Variants in ARID4A observed in about 807,000 individuals in gnomAD.
ARID4A encodes the protein AT-rich interactive domain-containing protein 4A.
ARID4A carries 39 observed loss-of-function variants against 148.6 expected under a neutral mutation model. That is an observed-to-expected ratio of 0.26 (90% CI 0.20 to 0.34). The LOEUF (loss-of-function observed/expected upper bound fraction) is 0.34, where lower values mean the gene tolerates loss of function less well. ARID4A is among the 10% of genes least tolerant of loss of function. The pLI, the probability that ARID4A is intolerant of heterozygous loss-of-function variation, is 1.00. For synonymous variants in ARID4A, 475 were observed against 481.2 expected, an observed-to-expected ratio of 0.99 and a Z score of 0.17; for missense variants, 1,265 against 1,449.1, an observed-to-expected ratio of 0.87 and a Z score of 2.06.
At chr14:58,358,568 G>C (rs2034994054) in intron 17 of ARID4A, among the ~76,000 whole-genome samples, 1 of 152,092 alleles carries the variant, frequency 6.6e-6, no homozygotes, top group Non-Finnish European at 1.5e-5. Flanking sequence ...AATAAACTTA[G>C]ATAAAGTAGG....
At chr14:58,351,996 C>G (rs969640467) in intron 16 of ARID4A, among the ~76,000 whole-genome samples, 2 of 152,160 alleles carry the variant, frequency 1.3e-5, no homozygotes, top group African/African-American at 4.8e-5. Flanking sequence ...AAGTTATTAG[C>G]TGCTTCTGTA....
chr14:58,301,507 C>G, intron 2 of ARID4A, 73 bp from the exon 3 acceptor site: 1 of 1,043,290 alleles, frequency 9.6e-7, no homozygotes, highest in Non-Finnish European at 1.4e-6. Flanking sequence ...CAAACACAAC[C>G]TTTTAATGAG....
intron 11 of ARID4A, chr14:58,331,235 G>A (rs10137475): frequency 0.53 from 79,963 of 152,040 alleles, 21,695 homozygotes; most frequent in Middle Eastern, 0.67. Context: ...TTGGTTTTAA[G>A]TGAGCATGCT....
At chr14:58,300,803 C>T (rs1294097174) in intron 2 of ARID4A, among the ~76,000 whole-genome samples, 1 of 148,002 alleles carries the variant, frequency 6.8e-6, no homozygotes, top group Non-Finnish European at 1.5e-5. Context: ...ACTTTAACTT[C>T]CGGAAAAAAA....
intron 5 of ARID4A, among the ~76,000 whole-genome samples, chr14:58,316,470 C>G (rs1157952613): frequency 6.6e-6 from 1 of 152,236 alleles, no homozygotes; most frequent in Middle Eastern, 3.4e-3. Flanking sequence ...TAAACCTATA[C>G]AATTATCAAA....
intron 5 of ARID4A, among the ~76,000 whole-genome samples, chr14:58,316,675 G>A (rs1215724442): frequency 5.9e-5 from 9 of 152,058 alleles, no homozygotes; most frequent in African/African-American, 1.7e-4. Flanking sequence ...CTGCCTGCCG[G>A]GTTCAAGAGA....
At chr14:58,322,709 C>T (rs1594894787) in intron 7 of ARID4A, among the ~76,000 whole-genome samples, 1 of 152,070 alleles carries the variant, frequency 6.6e-6, no homozygotes, top group South Asian at 2.1e-4. Flanking sequence ...CACCTGTAAT[C>T]CCAGCACTTT....
intron 23 of ARID4A, among the ~76,000 whole-genome samples, chr14:58,369,646 A>C (rs1168468977): frequency 6.6e-6 from 1 of 151,896 alleles, no homozygotes; most frequent in Non-Finnish European, 1.5e-5. Context: ...GATTCTAAAA[A>C]TTTACCATAT....
Position 58,347,680 on chromosome 14 carries a change from G to A in ARID4A, c.1206G>A (p.Ser402=), listed in dbSNP as rs376560002. The A allele has an allele frequency of 3.7e-5, 59 of 1,611,486 alleles. No individual in the cohort carries two copies. The highest frequency in any genetic ancestry group is 2.5e-4 in the Admixed American group (15 of 59,746). Residue 402 remains serine, a synonymous_variant, in exon 15 of 24, where the codon TCG becomes TCA. Transcript: ENST00000355431. The part of the protein sequence containing the change: ...YLYGFEEYCR[S]ANIQFRTVHH... Reference sequence around the variant, plus strand: ...ATGGTTTTGAGGAGTACTGCCGTTCGGCAAATATTCAGTTCAGAACTGTTC... The same window carrying A: ...ATGGTTTTGAGGAGTACTGCCGTTCAGCAAATATTCAGTTCAGAACTGTTC...
intron 3 of ARID4A, chr14:58,303,511 C>T (rs1566663639): frequency 2.1e-6 from 1 of 470,740 alleles, no homozygotes; most frequent in East Asian, 6.9e-5. Context: ...GCTTTATTCA[C>T]TTATATATCT....
At position 58,366,981 on chromosome 14, in the gene ARID4A, G is replaced by T. The variant is rs2035384554; in HGVS notation, c.3622G>T (p.Ala1208Ser). Residue 1208 changes from alanine (A) to serine (S), a missense_variant, in exon 23 of 24, where the codon GCA (alanine) becomes TCA (serine). Physicochemically the swap from Ala to Ser is moderately conservative, Grantham distance 99 (BLOSUM62 1). Around this residue, in one of 9 missense-constraint regions of ARID4A, gnomAD observed 666 missense variants for 730.9 expected, o/e 0.91. Transcript: ENST00000355431. ...TTATATGTCTTTGAAGTCTGAAGTT[G>T]CAACCATAGACAGGAGGAGAAAAAG... Reference protein sequence around the residue: ...KYYMSLKSEVATIDRRRKRLK... With the variant: ...KYYMSLKSEVSTIDRRRKRLK... The T allele has an allele frequency of 1.3e-6, 2 of 1,518,040 alleles. No individual in the cohort carries two copies. The highest frequency in any genetic ancestry group is 1.7e-6 in the Non-Finnish European group (2 of 1,143,982). The allele number at this position is 1,518,040 out of a possible 1,614,324, so 94.0% of individuals were successfully genotyped here.
At chr14:58,342,810 G>A (rs1393405384) in intron 11 of ARID4A, among the ~76,000 whole-genome samples, 1 of 152,140 alleles carries the variant, frequency 6.6e-6, no homozygotes, top group African/African-American at 2.4e-5. Flanking sequence ...CTACTCAGGA[G>A]CCTGAGGAAG....
At chr14:58,321,417 C>G (rs200184986) in intron 7 of ARID4A, among the ~76,000 whole-genome samples, 43 of 152,178 alleles carry the variant, frequency 2.8e-4, no homozygotes, top group East Asian at 9.7e-4. Flanking sequence ...CAGATTTAGC[C>G]AAGGGAGCCT....
chr14:58,364,563 C>T lies in ARID4A; in HGVS notation c.2474C>T (p.Ala825Val). 1 of 1,611,262 alleles carries T rather than the reference C, an allele frequency of 6.2e-7. No individual in the cohort carries two copies. Among genetic ancestry groups the T allele is most frequent in the Non-Finnish European group, 8.5e-7 (1 of 1,179,460 alleles). Residue 825 changes from alanine to valine, a missense_variant, in exon 20 of 24, where the codon GCT becomes GTT. This residue lies in a region of ARID4A where 666 missense variants were observed against 730.9 expected (regional missense o/e 0.91). Coordinates refer to ENST00000355431, the MANE Select transcript of ARID4A (RefSeq NM_002892.4). ...NEAGSEPHIE[A>V]HSLELSSLDN... ...GCAGGAAGTGAACCTCATATAGAAGCTCATAGTCTTGAATTGTCTTCATTA... is the reference window on the plus strand; with the variant it reads ...GCAGGAAGTGAACCTCATATAGAAGTTCATAGTCTTGAATTGTCTTCATTA...
Position 58,365,090 on chromosome 14 carries a change from C to A in ARID4A, c.3001C>A (p.His1001Asn). 1 of 1,614,118 alleles carries A rather than the reference C, an allele frequency of 6.2e-7. No individual in the cohort carries two copies. The highest frequency in any genetic ancestry group is 8.5e-7 in the Non-Finnish European group (1 of 1,180,000). Residue 1001 changes from histidine to asparagine, a missense_variant, in exon 20 of 24, where the codon CAT becomes AAT. By Grantham distance (68) the His-to-Asn change is moderately conservative. Coordinates refer to ENST00000355431, the MANE Select transcript of ARID4A (RefSeq NM_002892.4). ...IPPALPPVVQ[H>N]NFSVASPLTL... Reference sequence around the variant, plus strand: ...ACCTGCCCTACCTCCTGTAGTCCAACATAACTTTTCAGTAGCTTCACCACT... The same window carrying A: ...ACCTGCCCTACCTCCTGTAGTCCAAAATAACTTTTCAGTAGCTTCACCACT...
At chr14:58,353,509 T>A (rs2034730436) in intron 16 of ARID4A, 149 bp from the exon 17 acceptor site, 1 of 660,638 alleles carries the variant, frequency 1.5e-6, no homozygotes. Flanking sequence ...CACAGAAATC[T>A]TCTCCTTCTC....
At chr14:58,315,365 A>G (rs1422306175) in intron 5 of ARID4A, among the ~76,000 whole-genome samples, 2 of 152,170 alleles carry the variant, frequency 1.3e-5, no homozygotes, top group Admixed American at 6.5e-5. Context: ...AATTGCTGAA[A>G]TATTTTGTTT....
Position 58,373,834 on chromosome 14 carries a change from A to G in ARID4A, c.*1845A>G, listed in dbSNP as rs539779992. On this transcript the variant is annotated 3_prime_UTR_variant, in exon 24 of 24. Transcript: ENST00000355431. ...ATTTCACAAAACCAAGCATTTTAGT[A>G]TATTCAGCCTTTACAATAAAATATT... 6.5e-6 allele frequency: 1 copy of G among 155,014 alleles called. No homozygotes were observed. Among genetic ancestry groups the G allele is most frequent in the East Asian group, 1.8e-4 (1 of 5,660 alleles). The allele number at this position is 155,014 out of a possible 1,614,324, so 9.6% of individuals were successfully genotyped here.
chr14:58,310,223 T>G (rs1033350612), intron 5 of ARID4A, among the ~76,000 whole-genome samples: 1 of 144,976 alleles, frequency 6.9e-6, no homozygotes, highest in Non-Finnish European at 1.5e-5. Context: ...TTTTTTTTTG[T>G]TTTTTTTTGT....
Sources: allele counts gnomAD v4.1 joint callset (sites outside exome capture counted in the v4.1 genomes callset), GRCh38; gene constraint gnomAD v4.1.1; regional missense constraint gnomAD v4.1.1; transcripts MANE v1.5; gene names NCBI Gene and HGNC (gene_info 2026-07-23, HGNC 2026-07-21).